The following NEK1 variants were observed in gnomAD, a reference collection of about 807,000 sequenced individuals.
The protein encoded by NEK1 is serine/threonine-protein kinase Nek1.
NEK1 carries 137 observed loss-of-function variants against 182.1 expected under a neutral mutation model. The observed-to-expected ratio is 0.75, with a 90% CI of 0.65 to 0.87. The LOEUF (loss-of-function observed/expected upper bound fraction) is 0.87. NEK1 is among the 40% of genes least tolerant of loss of function. The probability of loss-of-function intolerance (pLI) is 0.00; values close to 1 mark genes in which losing one functional copy is unlikely to be tolerated. For missense variants in NEK1, 1,391 were observed against 1,494.4 expected (o/e 0.93, Z 1.14); for synonymous variants, 513 against 492.2 (o/e 1.04, Z -0.56).
intron 32 of NEK1, among the ~76,000 whole-genome samples, chr4:169,403,342 A>C (rs550721336): frequency 1.3e-5 from 2 of 152,176 alleles, no homozygotes; most frequent in African/African-American, 4.8e-5. Context: ...CTGAGACAAG[A>C]GGATTGCTTG....
intron 28 of NEK1, among the ~76,000 whole-genome samples, chr4:169,434,536 G>A (rs1350172850): frequency 6.6e-6 from 1 of 152,098 alleles, no homozygotes; most frequent in Non-Finnish European, 1.5e-5. Context: ...ACATCAAGAT[G>A]TTACCTCTGT....
At chr4:169,598,355 G>T (rs1277923772) in intron 5 of NEK1, among the ~76,000 whole-genome samples, 1 of 151,958 alleles carries the variant, frequency 6.6e-6, no homozygotes, top group African/African-American at 2.4e-5. Flanking sequence ...AAGAACTGGT[G>T]ATAATGAGAA....
intron 19 of NEK1, among the ~76,000 whole-genome samples, chr4:169,527,314 G>A (rs1017153459): frequency 6.6e-6 from 1 of 152,090 alleles, no homozygotes; most frequent in African/African-American, 2.4e-5. Flanking sequence ...GCTGCTAAAC[G>A]AATTTCTTTA....
chr4:169,601,870 G>C, intron 4 of NEK1, 138 bp downstream of exon 4: 1 of 636,950 alleles, frequency 1.6e-6, no homozygotes, highest in Non-Finnish European at 2.7e-6. Flanking sequence ...CATGATATCA[G>C]TATTGTCCTT....
chr4:169,595,922 CAAAAAAA>C (rs56313001), intron 5 of NEK1, among the ~76,000 whole-genome samples: 2 of 67,204 alleles, frequency 3.0e-5, no homozygotes, highest in Non-Finnish European at 5.4e-5. Context: ...GACTCCACCT[CAAAAAAA>C]AAAAAAAAAA....
chr4:169,416,184 C>T (rs1224974199), intron 31 of NEK1, among the ~76,000 whole-genome samples: 1 of 152,154 alleles, frequency 6.6e-6, no homozygotes, highest in African/African-American at 2.4e-5. Flanking sequence ...ACACACTGTG[C>T]TATCTCATGT....
chr4:169,479,582 T>C (rs1259125722), intron 23 of NEK1, 48 bp from the exon 24 acceptor site: 1 of 1,468,010 alleles, frequency 6.8e-7, no homozygotes, highest in Admixed American at 2.0e-5. Context: ...TATATTTGTA[T>C]GAAGAAATAA....
At chr4:169,460,719 A>G (rs569302435) in intron 27 of NEK1, among the ~76,000 whole-genome samples, 11 of 152,318 alleles carry the variant, frequency 7.2e-5, no homozygotes, top group Admixed American at 3.3e-4. Flanking sequence ...CAAATCACTT[A>G]TAAGGTAAAG....
chr4:169,501,285 C>T (rs1160158575), intron 23 of NEK1, among the ~76,000 whole-genome samples: 1 of 152,064 alleles, frequency 6.6e-6, no homozygotes, highest in African/African-American at 2.4e-5. Flanking sequence ...AAGGGACAGA[C>T]AATAATATCA....
At chr4:169,494,093 TTTC>T (rs1446585943) in intron 23 of NEK1, among the ~76,000 whole-genome samples, 1 of 148,116 alleles carries the variant, frequency 6.8e-6, no homozygotes, top group Non-Finnish European at 1.5e-5. Flanking sequence ...TCACAACGGA[TTTC>T]TTTCTTTTTT....
At chr4:169,415,021 A>G (rs1658141295) in intron 31 of NEK1, among the ~76,000 whole-genome samples, 1 of 152,182 alleles carries the variant, frequency 6.6e-6, no homozygotes, top group African/African-American at 2.4e-5. Flanking sequence ...TTGGATTTCA[A>G]AGTTATCAAC....
chr4:169,538,271 TAAG>T (rs1301733844), intron 18 of NEK1, among the ~76,000 whole-genome samples: 2 of 152,060 alleles, frequency 1.3e-5, no homozygotes, highest in Non-Finnish European at 1.5e-5. Flanking sequence ...TCAAATATAA[TAAG>T]AATCTTAGCA....
At position 169,406,778 on chromosome 4, in the gene NEK1, G is replaced by A. The variant is rs1249527447; in HGVS notation, c.3223-31C>T. ...ATAAAAATCAACAAATTTCTTATTA[G>A]GAGAAAGATAATTAAAACATAAAAA... On this transcript the variant is annotated intron_variant, in intron 31 of 35. Coordinates refer to ENST00000507142, the MANE Select transcript of NEK1 (RefSeq NM_001199397.3). 3.3e-6 allele frequency: 5 copies of A among 1,515,016 alleles called. No individual in the cohort carries two copies. The East Asian group carries it at 9.4e-5, about 29-fold the overall frequency. The allele number at this position is 1,515,016 out of a possible 1,614,324, so 93.8% of individuals were successfully genotyped here.
chr4:169,409,778 G>C (rs1357477133), intron 31 of NEK1, among the ~76,000 whole-genome samples: 2 of 152,052 alleles, frequency 1.3e-5, no homozygotes, highest in Non-Finnish European at 2.9e-5. Flanking sequence ...AAAAAATAAA[G>C]AAAAGAAAAG....
At chr4:169,494,494 T>C (rs1481189963) in intron 23 of NEK1, among the ~76,000 whole-genome samples, 2 of 152,216 alleles carry the variant, frequency 1.3e-5, no homozygotes, top group Non-Finnish European at 2.9e-5. Context: ...ATTCAGTCTA[T>C]CATTGTTGGA....
At position 169,542,409 on chromosome 4, in the gene NEK1, C is replaced by A. The variant is rs540035404; in HGVS notation, c.1563-4498G>T. ...TCTTTATCCAGTCTATCCTGATGGG[C>A]ATTTGGGTTGGTTCCAAGTCTTTGC... On this transcript the variant is annotated intron_variant, in intron 18 of 35. Coordinates refer to ENST00000507142, the MANE Select transcript of NEK1 (RefSeq NM_001199397.3). Among the ~76,000 whole-genome samples the A allele has an allele frequency of 1.3e-5, 2 of 152,162 alleles. 1 individual carries two copies. The highest frequency in any genetic ancestry group is 4.1e-4 in the South Asian group (2 of 4,828).
intron 27 of NEK1, among the ~76,000 whole-genome samples, chr4:169,443,665 C>G (rs975534876): frequency 6.6e-6 from 1 of 151,906 alleles, no homozygotes; most frequent in Non-Finnish European, 1.5e-5. Context: ...TATAGACATT[C>G]AGATACAGGA....
intron 23 of NEK1, among the ~76,000 whole-genome samples, chr4:169,486,227 G>A (rs1473687535): frequency 1.3e-5 from 2 of 151,860 alleles, no homozygotes; most frequent in Admixed American, 6.6e-5. Context: ...TAAATTTAAG[G>A]CTTTTCAACA....
At chr4:169,419,455 G>C (rs1210030909) in intron 31 of NEK1, among the ~76,000 whole-genome samples, 2 of 152,088 alleles carry the variant, frequency 1.3e-5, no homozygotes, top group South Asian at 2.1e-4. Flanking sequence ...AAAAATGTCA[G>C]AAATAGTAAA....
Sources: allele counts gnomAD v4.1 joint callset (sites outside exome capture counted in the v4.1 genomes callset), GRCh38; gene constraint gnomAD v4.1.1; transcripts MANE v1.5; gene names NCBI Gene and HGNC (gene_info 2026-07-23, HGNC 2026-07-21).